The following SNTG1 variants were observed in gnomAD, a reference collection of about 807,000 sequenced individuals.
The protein encoded by SNTG1 is syntrophin gamma 1, also known as gamma-1-syntrophin.
Under a neutral mutation model 74.7 loss-of-function variants are expected in SNTG1, and 39 were observed. The ratio of observed to expected loss-of-function variants is 0.52; its 90% CI spans 0.40 to 0.68. The LOEUF is 0.68. Among genes scored for constraint, SNTG1 ranks in the 30% least tolerant of loss-of-function variants. The pLI, the probability that SNTG1 is intolerant of heterozygous loss-of-function variation, is 0.00. For missense variants in SNTG1, 685 were observed against 609.5 expected (o/e 1.12, Z -1.30); for synonymous variants, 254 against 217.1 (o/e 1.17, Z -1.49).
chr8:50,198,198 A>T (rs1485778596), intron 2 of SNTG1, among the ~76,000 whole-genome samples: 1 of 152,178 alleles, frequency 6.6e-6, no homozygotes, highest in African/African-American at 2.4e-5. Context: ...AGACTCAGAA[A>T]AAAACAGCAT....
At chr8:50,486,965 A>C (rs947359979) in intron 8 of SNTG1, among the ~76,000 whole-genome samples, 2 of 152,182 alleles carry the variant, frequency 1.3e-5, no homozygotes, top group South Asian at 2.1e-4. Flanking sequence ...ATTGATTTGC[A>C]TATATTGAAC....
chr8:50,688,790 G>A (rs1295962765), intron 15 of SNTG1, among the ~76,000 whole-genome samples: 5 of 151,918 alleles, frequency 3.3e-5, no homozygotes, highest in African/African-American at 7.3e-5. Context: ...CCAATTCTGT[G>A]AAGAAAGTCA....
rs1025424080 is a variant in SNTG1 at position 50,656,972 on chromosome 8, C to A, written c.913C>A (p.Pro305Thr). ...CCCCCTCCAGGACAGAGTGTACTCC[C>A]CGACCTTCCTGGCCCTGAGGGGCTC... The part of the protein sequence containing the change: ...QDPLQDRVYS[P>T]TFLALRGSCL... The change falls in exon 14 of 19, where the codon CCG becomes ACG. Residue 305 changes from proline (P) to threonine (T), a missense_variant. Coordinates refer to ENST00000642720, the MANE Select transcript of SNTG1 (RefSeq NM_018967.5). The A allele has an allele frequency of 6.3e-7, 1 of 1,596,456 alleles. No homozygotes were observed. Among genetic ancestry groups the A allele is most frequent in the South Asian group, 1.1e-5 (1 of 87,978 alleles).
chr8:50,708,859 A>G, intron 16 of SNTG1, 27 bp from the exon 17 acceptor site: 1 of 1,507,566 alleles, frequency 6.6e-7, no homozygotes, highest in Non-Finnish European at 9.2e-7. Context: ...TAACATGAAA[A>G]GTAACAATAC....
At chr8:50,189,583 A>T (rs1258207043) in intron 2 of SNTG1, among the ~76,000 whole-genome samples, 1 of 152,116 alleles carries the variant, frequency 6.6e-6, no homozygotes, top group Non-Finnish European at 1.5e-5. Flanking sequence ...TTGTTTCTGA[A>T]TTTGTTCTGT....
rs185350088 is a variant in SNTG1 at position 50,204,697 on chromosome 8, C to A, written c.-28+32062C>A. Among the ~76,000 whole-genome samples the A allele has an allele frequency of 4.9e-3, 741 of 152,090 alleles. 11 individuals carry two copies. The highest frequency in any genetic ancestry group is 0.015 in the African/African-American group (635 of 41,478). On this transcript the variant is annotated intron_variant, in intron 2 of 18. Transcript: ENST00000642720. ...AACTCGTCATTTACATTAGTTATAT[C>A]TCCTAATGCTATCCCTCCCCACTCC...
At chr8:50,460,052 G>T (rs1057282422) in intron 8 of SNTG1, among the ~76,000 whole-genome samples, 3 of 152,180 alleles carry the variant, frequency 2.0e-5, no homozygotes, top group African/African-American at 7.2e-5. Context: ...GAGCCAAATG[G>T]TAGTTCTATT....
intron 1 of SNTG1, among the ~76,000 whole-genome samples, chr8:50,070,268 C>T (rs1428367462): frequency 1.3e-5 from 2 of 152,110 alleles, no homozygotes; most frequent in Non-Finnish European, 2.9e-5. Context: ...TTCTTTCCGT[C>T]TTTTTGAAAA....
At chr8:50,310,719 A>C (rs1347675345) in intron 2 of SNTG1, among the ~76,000 whole-genome samples, 4 of 152,190 alleles carry the variant, frequency 2.6e-5, no homozygotes, top group Non-Finnish European at 5.9e-5. Context: ...TAAATAAATA[A>C]ATAAATGTAA....
rs1353969509 is a variant in SNTG1, at chr8:50,041,310, C to T, written c.-103+129079C>T. Among the ~76,000 whole-genome samples the T allele has an allele frequency of 2.0e-5, 3 of 152,276 alleles. No homozygotes were observed. In the East Asian group the frequency reaches 5.8e-4, roughly 29 times the overall value. On this transcript the variant is annotated intron_variant, in intron 1 of 18. Coordinates refer to ENST00000642720, the MANE Select transcript of SNTG1 (RefSeq NM_018967.5). Reference sequence around the variant, plus strand: ...TGCTGTTGGAGATGAATGGTGGGTACAGGCAGAGTCACTACACCATTCTCT... The same window carrying T: ...TGCTGTTGGAGATGAATGGTGGGTATAGGCAGAGTCACTACACCATTCTCT...
chr8:50,507,218 T>G (rs973026893), intron 9 of SNTG1, among the ~76,000 whole-genome samples: 3 of 152,096 alleles, frequency 2.0e-5, no homozygotes, highest in African/African-American at 7.2e-5. Context: ...AATTTGTAGT[T>G]GAATTCAGTT....
At chr8:50,072,911 A>C (rs1220232362) in intron 1 of SNTG1, among the ~76,000 whole-genome samples, 3 of 152,210 alleles carry the variant, frequency 2.0e-5, no homozygotes, top group African/African-American at 7.2e-5. Context: ...AATTATTTAT[A>C]ACTAAAAAAT....
intron 18 of SNTG1, among the ~76,000 whole-genome samples, chr8:50,790,347 C>T (rs1270106184): frequency 1.3e-5 from 2 of 151,862 alleles, no homozygotes; most frequent in Non-Finnish European, 2.9e-5. Flanking sequence ...GAATGGCTGA[C>T]TCTTTACATT....
chr8:50,334,584 T>G (rs2091077715), intron 2 of SNTG1, among the ~76,000 whole-genome samples: 2 of 151,912 alleles, frequency 1.3e-5, no homozygotes, highest in African/African-American at 4.8e-5. Context: ...ACCTTATTTC[T>G]GTAGCAATTG....
intron 12 of SNTG1, among the ~76,000 whole-genome samples, chr8:50,556,867 G>T (rs2094458541): frequency 6.6e-6 from 1 of 152,086 alleles, no homozygotes; most frequent in Non-Finnish European, 1.5e-5. Flanking sequence ...GATGACCCTT[G>T]AGAGCATTTT....
At chr8:50,504,645 C>T (rs73585122) in intron 9 of SNTG1, among the ~76,000 whole-genome samples, 2,504 of 151,796 alleles carry the variant, frequency 0.016, 78 homozygotes, top group African/African-American at 0.058. Context: ...TACAAAAAAA[C>T]CCCAAAATAG....
chr8:50,330,879 G>A (rs1006281864), intron 2 of SNTG1, among the ~76,000 whole-genome samples: 12 of 152,192 alleles, frequency 7.9e-5, no homozygotes, highest in African/African-American at 2.9e-4. Context: ...AGGAAAAACT[G>A]CCTCCATGAT....
intron 9 of SNTG1, among the ~76,000 whole-genome samples, chr8:50,506,160 C>T (rs989605149): frequency 1.3e-4 from 20 of 152,036 alleles, no homozygotes; most frequent in Admixed American, 1.3e-3. Flanking sequence ...AATTTCATCA[C>T]ATATTGAGGG....
In SNTG1 at chr8:50,615,100, G is replaced by A. The variant is rs576842503; in HGVS notation, c.849+24183G>A. Among the ~76,000 whole-genome samples, 29 of 151,890 alleles carry A rather than the reference G, an allele frequency of 1.9e-4. 1 individual carries two copies. In the South Asian group the frequency reaches 5.8e-3, roughly 31 times the overall value. Reference sequence around the variant, plus strand: ...TAGGACTACCCGCGCCTGACACCATGCCCAGCTAATTTTTTGTTTGTTTGT... The same window carrying A: ...TAGGACTACCCGCGCCTGACACCATACCCAGCTAATTTTTTGTTTGTTTGT... On this transcript the variant is annotated intron_variant, in intron 13 of 18. Coordinates refer to ENST00000642720, the MANE Select transcript of SNTG1 (RefSeq NM_018967.5).
Sources: gnomAD v4.1 joint callset for allele counts (sites outside exome capture counted in the v4.1 genomes callset) on GRCh38, gnomAD v4.1.1 for gene constraint, MANE v1.5 for transcripts, NCBI Gene and HGNC (gene_info 2026-07-23, HGNC 2026-07-21) for gene names.